CPNE4: variants seen among roughly 807,000 people sequenced by gnomAD.
CPNE4 encodes copine 4, also known as copine-4.
Under a neutral mutation model 67.9 loss-of-function variants are expected in CPNE4, and 25 were observed. The observed-to-expected ratio is 0.37, with a 90% confidence interval of 0.27 to 0.51. The LOEUF (loss-of-function observed/expected upper bound fraction) is 0.51. Among genes scored for constraint, CPNE4 ranks in the 20% least tolerant of loss-of-function variants. CPNE4 has a pLI of 0.93. For synonymous variants in CPNE4, 242 were observed against 244.9 expected (o/e 0.99, Z 0.11); for missense variants, 464 against 690.8 (o/e 0.67, Z 3.68).
intron 11 of CPNE4, among the ~76,000 whole-genome samples, chr3:131,557,277 C>T (rs1325762326): frequency 6.6e-6 from 1 of 152,034 alleles, no homozygotes; most frequent in Non-Finnish European, 1.5e-5. Flanking sequence ...TTCTTTGGAA[C>T]AATTCCTACA....
chr3:131,896,575 T>C (rs2088347485), intron 2 of CPNE4, among the ~76,000 whole-genome samples: 1 of 152,096 alleles, frequency 6.6e-6, no homozygotes, highest in South Asian at 2.1e-4. Context: ...CAAAATCTTG[T>C]CTTGGCACAG....
chr3:131,588,521 GA>G (rs1938327959), intron 7 of CPNE4, among the ~76,000 whole-genome samples: 1 of 152,186 alleles, frequency 6.6e-6, no homozygotes, highest in African/African-American at 2.4e-5. Context: ...GGGGATCTAA[GA>G]GGCAGCTTAG....
chr3:131,563,961 C>T (rs977627903), intron 11 of CPNE4, among the ~76,000 whole-genome samples: 2 of 151,968 alleles, frequency 1.3e-5, no homozygotes, highest in African/African-American at 4.8e-5. Flanking sequence ...TAAGACTTCA[C>T]AAAATGGAAA....
At chr3:131,808,068 C>T (rs1288140772) in intron 2 of CPNE4, among the ~76,000 whole-genome samples, 1 of 152,166 alleles carries the variant, frequency 6.6e-6, no homozygotes, top group Non-Finnish European at 1.5e-5. Flanking sequence ...CTCAGCTCAG[C>T]TCCTGGCTAG....
chr3:131,989,211 GCATT>G (rs1363815455), intron 1 of CPNE4, among the ~76,000 whole-genome samples: 1 of 152,186 alleles, frequency 6.6e-6, no homozygotes, highest in Non-Finnish European at 1.5e-5. Flanking sequence ...ATGCATTATT[GCATT>G]ATTATCCTTC....
chr3:131,585,432 C>A (rs886519013), intron 8 of CPNE4, among the ~76,000 whole-genome samples: 20 of 152,076 alleles, frequency 1.3e-4, no homozygotes, highest in African/African-American at 4.3e-4. Context: ...AAAACAGTGG[C>A]TGGGTAGTTA....
intron 1 of CPNE4, among the ~76,000 whole-genome samples, chr3:131,958,750 T>A (rs190254556): frequency 6.7e-6 from 1 of 150,320 alleles, no homozygotes; most frequent in Non-Finnish European, 1.5e-5. Flanking sequence ...CCTCCACCTC[T>A]CAGGTTCAAG....
intron 2 of CPNE4, among the ~76,000 whole-genome samples, chr3:131,837,533 G>A (rs202172368): frequency 6.6e-6 from 1 of 152,130 alleles, no homozygotes; most frequent in East Asian, 1.9e-4. Context: ...GTTGTGGATG[G>A]GGAAATAAGT....
chr3:132,016,071 T>C (rs2073883417), intron 1 of CPNE4, among the ~76,000 whole-genome samples: 1 of 152,244 alleles, frequency 6.6e-6, no homozygotes, highest in Non-Finnish European at 1.5e-5. Context: ...TTCCAGACTA[T>C]ATAATTGGAC....
Position 131,542,920 on chromosome 3 carries a change from A to AT in CPNE4, c.1303-128dup, listed in dbSNP as rs1283992654. ...GACCAAAGCAACAGTGATGACAGACATTTTTTGAATGTGCTGATAGTCCTA... is the reference window on the plus strand; with the variant it reads ...GACCAAAGCAACAGTGATGACAGACATTTTTTTGAATGTGCTGATAGTCCTA... On this transcript the variant is annotated intron_variant, in intron 14 of 15. Coordinates refer to ENST00000429747, the MANE Select transcript of CPNE4 (RefSeq NM_130808.3). 3 of 656,362 alleles carry AT rather than the reference A, an allele frequency of 4.6e-6. No homozygotes were observed. In the African/African-American group the frequency reaches 5.4e-5, roughly 12 times the overall value. 40.7% of individuals were successfully genotyped at this position (656,362 alleles called of 1,614,324 possible).
intron 2 of CPNE4, among the ~76,000 whole-genome samples, chr3:131,893,275 A>G (rs2088188310): frequency 6.6e-6 from 1 of 152,052 alleles, no homozygotes; most frequent in African/African-American, 2.4e-5. Context: ...AAAGAATATA[A>G]CAATTGTAAA....
At chr3:131,893,653 C>A (rs1248051636) in intron 2 of CPNE4, among the ~76,000 whole-genome samples, 1 of 151,818 alleles carries the variant, frequency 6.6e-6, no homozygotes, top group African/African-American at 2.4e-5. Flanking sequence ...TAGAAACCAA[C>A]AAGAAAAGCT....
At chr3:131,869,140 A>T (rs746645187) in intron 2 of CPNE4, among the ~76,000 whole-genome samples, 1 of 152,132 alleles carries the variant, frequency 6.6e-6, no homozygotes, top group Non-Finnish European at 1.5e-5. Context: ...CAACCCCTCC[A>T]TATCAGCTCT....
At chr3:131,594,692 ATAGG>A (rs1411863602) in intron 7 of CPNE4, among the ~76,000 whole-genome samples, 2 of 152,204 alleles carry the variant, frequency 1.3e-5, no homozygotes, top group Non-Finnish European at 1.5e-5. Context: ...GCAAAAATAG[ATAGG>A]TAGGACTACA....
chr3:131,588,877 C>T (rs544467759), intron 7 of CPNE4, among the ~76,000 whole-genome samples: 46 of 152,284 alleles, frequency 3.0e-4, no homozygotes, highest in Non-Finnish European at 5.7e-4. Flanking sequence ...ATTACTACAA[C>T]AGTCTCCCAG....
In CPNE4 at chr3:131,626,471, AT is replaced by A. The variant is rs2079076662; in HGVS notation, c.682-38890del. ...AAAATCAAACCAGTCACAACATTCC[AT>A]TAAGCTAAAGCCCAATCCAGAGTAA... On this transcript the variant is annotated intron_variant, in intron 7 of 15. Transcript: ENST00000429747. Among the ~76,000 whole-genome samples, 3 of 152,232 alleles carry A rather than the reference AT, an allele frequency of 2.0e-5. No homozygotes were observed. In the South Asian group the frequency reaches 6.2e-4, roughly 32 times the overall value.
chr3:131,819,511 C>CAT (rs5852654), intron 2 of CPNE4, among the ~76,000 whole-genome samples: 4,476 of 151,792 alleles, frequency 0.029, 159 homozygotes, highest in South Asian at 0.094. Flanking sequence ...CACACACACA[C>CAT]ACACACACAC....
At chr3:131,667,823 CCTCCTCATAAAAAGTTTAATGA>C (rs1212956905) in intron 7 of CPNE4, among the ~76,000 whole-genome samples, 1 of 151,826 alleles carries the variant, frequency 6.6e-6, no homozygotes, top group Non-Finnish European at 1.5e-5. Flanking sequence ...CTCCTTTTAT[CCTCCTCATAAAAAGTTTAATGA>C]CTCCTCATAA....
intron 1 of CPNE4, among the ~76,000 whole-genome samples, chr3:131,947,153 G>A (rs2071575270): frequency 1.3e-5 from 2 of 152,074 alleles, no homozygotes; most frequent in Admixed American, 1.3e-4. Context: ...CTTTTCTCAG[G>A]TTGTTTTGGC....
Sources: gnomAD v4.1 joint callset for allele counts (sites outside exome capture counted in the v4.1 genomes callset) on GRCh38, gnomAD v4.1.1 for gene constraint, MANE v1.5 for transcripts, NCBI Gene and HGNC (gene_info 2026-07-23, HGNC 2026-07-21) for gene names.